The following CCDC25 variants were observed in gnomAD, a reference collection of about 807,000 sequenced individuals.
CCDC25 encodes coiled-coil domain-containing protein 25.
CCDC25 carries 16 observed loss-of-function variants against 35.3 expected under a neutral mutation model. The ratio of observed to expected loss-of-function variants is 0.45; its 90% confidence interval spans 0.31 to 0.69. The LOEUF (loss-of-function observed/expected upper bound fraction) is 0.69. Among genes scored for constraint, CCDC25 ranks in the 30% least tolerant of loss-of-function variants. The pLI is 0.06. For synonymous variants in CCDC25, 79 were observed against 80.3 expected (o/e 0.98, Z 0.09); for missense variants, 179 against 250.7 (o/e 0.71, Z 1.93).
chr8:27,742,492 A>G (rs887021200), intron 7 of CCDC25, among the ~76,000 whole-genome samples: 2 of 152,180 alleles, frequency 1.3e-5, no homozygotes, highest in African/African-American at 4.8e-5. Flanking sequence ...CTGGATCCAT[A>G]TGCCCAGTTG....
intron 4 of CCDC25, among the ~76,000 whole-genome samples, chr8:27,755,495 T>C (rs6993868): frequency 0.35 from 53,174 of 152,082 alleles, 10,706 homozygotes; most frequent in Non-Finnish European, 0.45. Context: ...ATAATGTATA[T>C]AGACACTCCC....
chr8:27,750,514 AGCTTGAATCTGGACTCT>A (rs1803761882), intron 5 of CCDC25, among the ~76,000 whole-genome samples: 1 of 152,186 alleles, frequency 6.6e-6, no homozygotes, highest in Non-Finnish European at 1.5e-5. Flanking sequence ...CTTGAACCTT[AGCTTGAATCTGGACTCT>A]GATGACTGAC....
Position 27,772,599 on chromosome 8 carries a change from T to A in CCDC25, c.-59A>T. 1 of 1,521,700 alleles carries A rather than the reference T, an allele frequency of 6.6e-7. No individual in the cohort carries two copies. The highest frequency in any genetic ancestry group is 8.9e-7 in the Non-Finnish European group (1 of 1,123,918). The allele number at this position is 1,521,700 out of a possible 1,614,324, so 94.3% of individuals were successfully genotyped here. On this transcript the variant is annotated 5_prime_UTR_variant, in exon 1 of 9. Transcript: ENST00000356537. ...AGCAGCAGCGCTCAACTCACGAAGC[T>A]CAGGATACCAGACTCGCGGCGGCCG...
chr8:27,743,321 T>G (rs1175691865), intron 7 of CCDC25, among the ~76,000 whole-genome samples: 1 of 152,212 alleles, frequency 6.6e-6, no homozygotes, highest in Non-Finnish European at 1.5e-5. Flanking sequence ...AAAGTGACCT[T>G]CTCAACACAC....
At position 27,736,163 on chromosome 8, in the gene CCDC25, G is replaced by C; in HGVS notation, c.*53C>G. The C allele has an allele frequency of 5.1e-6, 8 of 1,570,136 alleles. No homozygotes were observed. Among genetic ancestry groups the C allele is most frequent in the South Asian group, 4.7e-5 (4 of 85,168 alleles). On this transcript the variant is annotated 3_prime_UTR_variant, in exon 9 of 9. Coordinates refer to ENST00000356537, the MANE Select transcript of CCDC25 (RefSeq NM_018246.3). Reference sequence around the variant, plus strand: ...GAACACAGATGAAACCAAAAGGTCTGCAATTGTCTCTACATTCACATCTTT... The same window carrying C: ...GAACACAGATGAAACCAAAAGGTCTCCAATTGTCTCTACATTCACATCTTT...
intron 1 of CCDC25, 92 bp downstream of exon 1, chr8:27,772,421 T>C: frequency 7.5e-7 from 1 of 1,330,616 alleles, no homozygotes; most frequent in Non-Finnish European, 1.1e-6. Flanking sequence ...GAAGGCATTT[T>C]AGAGCGAGGG....
chr8:27,759,342 C>A (rs933296004), intron 3 of CCDC25, among the ~76,000 whole-genome samples: 1 of 152,194 alleles, frequency 6.6e-6, no homozygotes, highest in Non-Finnish European at 1.5e-5. Context: ...CACAGTGGCT[C>A]ATGCCTGTCG....
At chr8:27,754,589 T>C (rs1803932488) in intron 4 of CCDC25, 1 of 152,300 alleles carries the variant, frequency 6.6e-6, no homozygotes, top group Non-Finnish European at 1.5e-5. Context: ...CTCCGCCTCC[T>C]GGGCTCAAGT....
chr8:27,768,480 G>A (rs1181291202), intron 1 of CCDC25, among the ~76,000 whole-genome samples: 2 of 149,308 alleles, frequency 1.3e-5, no homozygotes, highest in African/African-American at 5.0e-5. Flanking sequence ...CAAGAGAATC[G>A]CTTGAACCTA....
At chr8:27,767,471 C>G (rs1341336418) in intron 1 of CCDC25, among the ~76,000 whole-genome samples, 1 of 152,134 alleles carries the variant, frequency 6.6e-6, no homozygotes, top group Non-Finnish European at 1.5e-5. Flanking sequence ...TGATGGTTGA[C>G]TTATTAAATG....
chr8:27,757,962 G>A (rs1029096973), intron 3 of CCDC25, among the ~76,000 whole-genome samples: 11 of 152,100 alleles, frequency 7.2e-5, no homozygotes, highest in African/African-American at 1.9e-4. Context: ...AAGCCGCCTC[G>A]CTTCCCCTTT....
At position 27,759,718 on chromosome 8, in the gene CCDC25, TAC is replaced by T. The variant is rs1228154448; in HGVS notation, c.116+2699_116+2700del. Among the ~76,000 whole-genome samples the T allele has an allele frequency of 2.2e-4, 31 of 141,716 alleles. 1 individual carries two copies. Among genetic ancestry groups the T allele is most frequent in the Admixed American group, 2.1e-3 (27 of 12,932 alleles). The allele number at this position is 141,716 out of a possible 152,430, so 93.0% of individuals were successfully genotyped here. On this transcript the variant is annotated intron_variant, in intron 3 of 8. Coordinates refer to ENST00000356537, the MANE Select transcript of CCDC25 (RefSeq NM_018246.3). ...TAGCTTGAACCCGGGAGGTAGAGGT[TAC>T]AGTGAGTCAAGATTGCACCACTGCA...
At chr8:27,754,068 G>A (rs1430942523) in intron 4 of CCDC25, among the ~76,000 whole-genome samples, 1 of 152,100 alleles carries the variant, frequency 6.6e-6, no homozygotes, top group Admixed American at 6.5e-5. Context: ...TGGCAAAAAA[G>A]CAGTTAGCAA....
intron 1 of CCDC25, 76 bp from the exon 2 acceptor site, chr8:27,765,327 C>T (rs1804365233): frequency 8.2e-7 from 1 of 1,221,814 alleles, no homozygotes; most frequent in South Asian, 1.5e-5. Flanking sequence ...AAACAAGTGA[C>T]AATTCTTAGA....
At chr8:27,749,442 G>T (rs987895482) in intron 5 of CCDC25, among the ~76,000 whole-genome samples, 3 of 152,200 alleles carry the variant, frequency 2.0e-5, no homozygotes, top group Non-Finnish European at 4.4e-5. Context: ...ATCATGTGCT[G>T]CCTGACTATA....
Position 27,752,515 on chromosome 8 carries a change from G to C in CCDC25, c.241C>G (p.Gln81Glu). ...CAHLVKANSI[Q>E]GCKMNNVNVV... ...AAACACCTCTAGGAAAACTGACCTT[G>C]AATGCTATTGGCCTTCACAAGGTGG... Residue 81 changes from glutamine to glutamate, a missense_variant, in exon 5 of 9, where the codon CAA becomes GAA. Coordinates refer to ENST00000356537, the MANE Select transcript of CCDC25 (RefSeq NM_018246.3). 1.2e-6 allele frequency: 2 copies of C among 1,612,324 alleles called. No homozygotes were observed. Among genetic ancestry groups the C allele is most frequent in the Non-Finnish European group, 1.7e-6 (2 of 1,178,570 alleles).
chr8:27,740,342 G>A (rs1363988644), intron 8 of CCDC25, 130 bp downstream of exon 8: 3 of 778,212 alleles, frequency 3.9e-6, no homozygotes, highest in African/African-American at 3.5e-5. Context: ...CAGCCTGAGT[G>A]GTGTCCTGGT....
intron 7 of CCDC25, 139 bp downstream of exon 7, chr8:27,747,938 T>G (rs182897643): frequency 1.4e-5 from 11 of 792,330 alleles, no homozygotes; most frequent in Non-Finnish European, 2.2e-5. Context: ...TTTAAAAAAC[T>G]GATTTAAGGT....
intron 2 of CCDC25, among the ~76,000 whole-genome samples, chr8:27,763,280 C>A (rs1297996446): frequency 6.6e-6 from 1 of 152,178 alleles, no homozygotes; most frequent in Non-Finnish European, 1.5e-5. Flanking sequence ...CTAAAGTATT[C>A]GCTCAAAGTG....
Sources: gnomAD v4.1 joint callset for allele counts (sites outside exome capture counted in the v4.1 genomes callset) on GRCh38, gnomAD v4.1.1 for gene constraint, MANE v1.5 for transcripts, NCBI Gene and HGNC (gene_info 2026-07-23, HGNC 2026-07-21) for gene names.